The following TIAM2 variants were observed in gnomAD, a reference collection of about 807,000 sequenced individuals.
TIAM2 encodes the protein TIAM Rac1 associated GEF 2.
TIAM2 carries 80 observed loss-of-function variants against 152.9 expected under a neutral mutation model. The observed-to-expected ratio is 0.52, with a 90% CI of 0.44 to 0.63. TIAM2 has a LOEUF of 0.63. TIAM2 is among the 30% of genes least tolerant of loss of function. TIAM2 has a pLI of 0.00. For synonymous variants in TIAM2, 804 were observed against 838.0 expected, an observed-to-expected ratio of 0.96 and a Z score of 0.70; for missense variants, 1,965 against 2,120.1, an observed-to-expected ratio of 0.93 and a Z score of 1.44.
In TIAM2 at chr6:154,995,787, C is replaced by T. The variant is rs555542790; in HGVS notation, c.-209+295C>T. 6.6e-6 allele frequency among the ~76,000 whole-genome samples: 1 copy of T among 152,304 alleles called. No homozygotes were observed. Among genetic ancestry groups the T allele is most frequent in the East Asian group, 1.9e-4 (1 of 5,160 alleles). On this transcript the variant is annotated intron_variant, in intron 1 of 26. Coordinates refer to ENST00000682666, the MANE Select transcript of TIAM2 (RefSeq NM_012454.4). This position sits in a 1 kb window ranked among gnomAD's most constrained non-coding sequence, Gnocchi z 5.2. ...GGTCCCCTGGTCCCCTCGCGCTGCG[C>T]GACACGCCAGGACCCACTTTCAGCC... is the stretch of plus-strand genomic sequence containing the variant.
At chr6:155,072,497 C>G (rs1225583943) in intron 1 of TIAM2, among the ~76,000 whole-genome samples, 3 of 152,116 alleles carry the variant, frequency 2.0e-5, no homozygotes, top group African/African-American at 7.2e-5. Flanking sequence ...GGGTTCCTGT[C>G]TTTCCAGAGC....
At chr6:155,210,314 C>T (rs1270857092) in intron 14 of TIAM2, among the ~76,000 whole-genome samples, 1 of 151,358 alleles carries the variant, frequency 6.6e-6, no homozygotes, top group Non-Finnish European at 1.5e-5. Context: ...TCCTTCCCCT[C>T]CTCTTTCTTT....
intron 14 of TIAM2, among the ~76,000 whole-genome samples, chr6:155,202,586 CTTTTTT>C (rs34052608): frequency 1.2e-4 from 16 of 133,978 alleles, no homozygotes; most frequent in East Asian, 2.2e-4. Flanking sequence ...ACCTGGATAA[CTTTTTT>C]TTTTTTTTTT....
Position 155,156,572 on chromosome 6 carries a change from C to T in TIAM2, c.2029-7843C>T, listed in dbSNP as rs1432950260. ...ACTCGGGAGGCTGAGGCAGGAGAAT[C>T]GCTTGAACCCAGGAAGCAGAGGTTT... On this transcript the variant is annotated intron_variant, in intron 7 of 26. Coordinates refer to ENST00000682666, the MANE Select transcript of TIAM2 (RefSeq NM_012454.4). This position sits in a 1 kb window ranked among gnomAD's most constrained non-coding sequence, Gnocchi z 4.4. Among the ~76,000 whole-genome samples, 2 of 152,080 alleles carry T rather than the reference C, an allele frequency of 1.3e-5. No homozygotes were observed. Among genetic ancestry groups the T allele is most frequent in the Admixed American group, 6.5e-5 (1 of 15,272 alleles).
intron 1 of TIAM2, among the ~76,000 whole-genome samples, chr6:155,009,870 C>G (rs1426405963): frequency 2.7e-5 from 4 of 150,850 alleles, no homozygotes; most frequent in African/African-American, 9.7e-5. Flanking sequence ...TTCTCTTTTT[C>G]CAGGCTGAGT....
chr6:155,010,703 G>A (rs1196915473), intron 1 of TIAM2, among the ~76,000 whole-genome samples: 1 of 152,066 alleles, frequency 6.6e-6, no homozygotes, highest in South Asian at 2.1e-4. Context: ...CGCCCGCCTC[G>A]GCCTCCCAAA....
At position 155,202,905 on chromosome 6, in the gene TIAM2, T is replaced by G. The variant is rs900124573; in HGVS notation, c.3065-8299T>G. On this transcript the variant is annotated intron_variant, in intron 14 of 26. Transcript: ENST00000682666. ...ATACAAAAAAAAAAAAAAAAAAAAT[T>G]AGCCGGATGTGGTGGCATGCACCCA... Among the ~76,000 whole-genome samples, 11 of 139,468 alleles carry G rather than the reference T, an allele frequency of 7.9e-5. No homozygotes were observed. The Admixed American group carries it at 8.0e-4, about 10-fold the overall frequency. The allele number at this position is 139,468 out of a possible 152,430, so 91.5% of individuals were successfully genotyped here. A position where few individuals can be genotyped will look rare whatever the true frequency, so the allele number is the denominator to read the frequency against.
chr6:155,179,424 A>G lies in TIAM2; in HGVS notation c.2675A>G (p.Gln892Arg), dbSNP rs1157510804. The change falls in exon 12 of 27, where the codon CAG (glutamine) becomes CGG (arginine). Residue 892 changes from glutamine (Q) to arginine (R), a missense_variant. By Grantham distance (43) the Gln-to-Arg change is conservative. Around this residue, in one of 3 missense-constraint regions of TIAM2, gnomAD observed 1,025 missense variants for 1,119.4 expected, o/e 0.92. Transcript: ENST00000682666. ...EVFPLNVYDVQLTKTGSVCDF... is the reference protein window; with the variant it reads ...EVFPLNVYDVRLTKTGSVCDF... ...TTTCCACTAAATGTTTATGACGTGCAGCTCACGAAGACTGGGAGTGTGTGT... is the reference window on the plus strand; with the variant it reads ...TTTCCACTAAATGTTTATGACGTGCGGCTCACGAAGACTGGGAGTGTGTGT... The G allele has an allele frequency of 7.4e-6, 12 of 1,613,626 alleles. No individual in the cohort carries two copies. Among genetic ancestry groups the G allele is most frequent in the Non-Finnish European group, 9.3e-6 (11 of 1,179,914 alleles).
chr6:155,030,790 TGAGC>T (rs1776808135), intron 1 of TIAM2, among the ~76,000 whole-genome samples: 1 of 152,196 alleles, frequency 6.6e-6, no homozygotes, highest in Non-Finnish European at 1.5e-5. Context: ...AGTGTGGCCC[TGAGC>T]TCAACCAGGG....
chr6:155,167,565 T>G (rs1018317032), intron 9 of TIAM2, among the ~76,000 whole-genome samples: 18 of 152,234 alleles, frequency 1.2e-4, no homozygotes, highest in African/African-American at 4.3e-4. Flanking sequence ...TCTTATTTGT[T>G]GGTTGTAATG....
intron 1 of TIAM2, among the ~76,000 whole-genome samples, chr6:155,008,014 C>T (rs7764456): frequency 0.25 from 37,643 of 152,072 alleles, 5,921 homozygotes; most frequent in African/African-American, 0.45. Flanking sequence ...TTGGAATTTT[C>T]GGCAAACCAA....
chr6:155,006,239 A>G (rs937756261), intron 1 of TIAM2, among the ~76,000 whole-genome samples: 2 of 152,212 alleles, frequency 1.3e-5, no homozygotes, highest in Non-Finnish European at 2.9e-5. Flanking sequence ...GGAACCAGAT[A>G]CACTCTAATG....
chr6:155,195,990 C>T (rs914988322), intron 14 of TIAM2, among the ~76,000 whole-genome samples: 8 of 152,136 alleles, frequency 5.3e-5, no homozygotes, highest in East Asian at 1.9e-4. Context: ...AGGGAGAAGC[C>T]GTTGCAGAGA....
At chr6:155,182,833 C>T (rs999803016) in intron 13 of TIAM2, among the ~76,000 whole-genome samples, 8 of 152,136 alleles carry the variant, frequency 5.3e-5, no homozygotes, top group African/African-American at 1.9e-4. Flanking sequence ...TCTCTTGAAC[C>T]GGGGAGACAG....
intron 1 of TIAM2, among the ~76,000 whole-genome samples, chr6:155,043,007 C>G (rs1226962024): frequency 6.6e-6 from 1 of 152,058 alleles, no homozygotes; most frequent in Non-Finnish European, 1.5e-5. Context: ...TGCTGAGTGC[C>G]AGTTACTGTT....
chr6:155,046,976 A>G (rs111238665), intron 1 of TIAM2, among the ~76,000 whole-genome samples: 39 of 152,332 alleles, frequency 2.6e-4, no homozygotes, highest in African/African-American at 9.1e-4. Context: ...ATTTGTGAAG[A>G]TATATGTTTG....
intron 15 of TIAM2, among the ~76,000 whole-genome samples, chr6:155,221,141 A>AG (rs1782032601): frequency 1.1e-5 from 1 of 94,826 alleles, no homozygotes; most frequent in Admixed American, 9.3e-5. Context: ...AAAAAAAAAC[A>AG]AAAAAAAACA....
At position 155,248,158 on chromosome 6, in the gene TIAM2, G is replaced by A. The variant is rs373261776; in HGVS notation, c.3811G>A (p.Glu1271Lys). The A allele has an allele frequency of 5.6e-6, 9 of 1,613,780 alleles. No individual in the cohort carries two copies. In the East Asian group the frequency reaches 1.1e-4, roughly 20 times the overall value. The part of the protein sequence containing the change: ...ELVSLTDQES[E>K]EHYHLTEALK... ...GGTGTCCCTGACGGACCAGGAGAGC[G>A]AGGAGCACTACCACCTGACGGGTGA... Residue 1271 changes from glutamate to lysine, a missense_variant, in exon 20 of 27, where the codon GAG (glutamate) becomes AAG (lysine). Physicochemically the swap from Glu to Lys is moderately conservative, Grantham distance 56. This residue lies in a region of TIAM2 where 935 missense variants were observed against 980.0 expected (regional missense o/e 0.95). Coordinates refer to ENST00000682666, the MANE Select transcript of TIAM2 (RefSeq NM_012454.4).
At chr6:155,206,684 C>T (rs1178950500) in intron 14 of TIAM2, among the ~76,000 whole-genome samples, 2 of 152,148 alleles carry the variant, frequency 1.3e-5, no homozygotes, top group African/African-American at 4.8e-5. Context: ...ATTGAGGGGA[C>T]CAGACTGTAA....
Sources: gnomAD v4.1 joint callset for allele counts (sites outside exome capture counted in the v4.1 genomes callset) on GRCh38, gnomAD v4.1.1 for gene constraint, gnomAD v4.1.1 regional missense constraint, Gnocchi (gnomAD v3.1) non-coding constraint, MANE v1.5 for transcripts, NCBI Gene and HGNC (gene_info 2026-07-23, HGNC 2026-07-21) for gene names.